VGLL4: variants seen among roughly 807,000 people sequenced by gnomAD.
VGLL4 encodes transcription cofactor vestigial-like protein 4.
In VGLL4, 7 loss-of-function variants were observed where a neutral mutation model predicts 21.0. That is an observed-to-expected ratio of 0.33 (90% CI 0.19 to 0.63). VGLL4 has a LOEUF of 0.63. Among genes scored for constraint, VGLL4 ranks in the 20% least tolerant of loss-of-function variants. The probability of loss-of-function intolerance (pLI) is 0.78; values close to 1 mark genes in which losing one functional copy is unlikely to be tolerated. For synonymous variants in VGLL4, 222 were observed against 173.2 expected, an observed-to-expected ratio of 1.28 and a Z score of -2.21; for missense variants, 394 against 425.7, an observed-to-expected ratio of 0.93 and a Z score of 0.66.
At chr3:11,570,866 A>G (rs776110333) in intron 2 of VGLL4, among the ~76,000 whole-genome samples, 2 of 152,120 alleles carry the variant, frequency 1.3e-5, no homozygotes, top group Non-Finnish European at 2.9e-5. Context: ...TGAACTCATC[A>G]CCGTGGCTTC....
At chr3:11,622,927 C>G (rs115990541) in intron 1 of VGLL4, among the ~76,000 whole-genome samples, 3 of 152,336 alleles carry the variant, frequency 2.0e-5, no homozygotes, top group South Asian at 2.1e-4. Flanking sequence ...TCCTTTCTTA[C>G]GCTTCCTTGG....
intron 2 of VGLL4, among the ~76,000 whole-genome samples, chr3:11,578,895 G>A (rs554664198): frequency 3.3e-5 from 5 of 151,758 alleles, no homozygotes; most frequent in African/African-American, 9.7e-5. Context: ...GACTACAAGC[G>A]CCCGCCACCA....
At chr3:11,574,207 C>T (rs1017730028) in intron 2 of VGLL4, among the ~76,000 whole-genome samples, 1 of 152,210 alleles carries the variant, frequency 6.6e-6, no homozygotes, top group African/African-American at 2.4e-5. Context: ...ATTCCCTAGG[C>T]CGTACCCACC....
intron 1 of VGLL4, among the ~76,000 whole-genome samples, chr3:11,626,763 A>C (rs542970389): frequency 6.6e-6 from 1 of 152,324 alleles, no homozygotes; most frequent in South Asian, 2.1e-4. Context: ...AGCTCAACAA[A>C]GGAAGACAAG....
chr3:11,656,367 C>T (rs1340739483), intron 2 of VGLL4, among the ~76,000 whole-genome samples: 5 of 152,174 alleles, frequency 3.3e-5, no homozygotes, highest in African/African-American at 1.2e-4. Context: ...TGGTGTCCAA[C>T]ACAGGGAGGG....
chr3:11,611,203 A>G (rs1320464333), intron 1 of VGLL4, among the ~76,000 whole-genome samples: 2 of 152,188 alleles, frequency 1.3e-5, no homozygotes, highest in Admixed American at 6.5e-5. Context: ...TTAACACGTT[A>G]AAGTCCCAAA....
intron 1 of VGLL4, among the ~76,000 whole-genome samples, chr3:11,605,225 A>C (rs1415750847): frequency 1.5e-4 from 1 of 6,760 alleles, no homozygotes; most frequent in African/African-American, 4.0e-4. Context: ...AAGCGCCCCC[A>C]CGCCCACCCC....
intron 2 of VGLL4, among the ~76,000 whole-genome samples, chr3:11,581,546 G>A (rs1273775032): frequency 6.6e-6 from 1 of 152,196 alleles, no homozygotes; most frequent in Admixed American, 6.5e-5. Context: ...ACAAAAGGGT[G>A]GGAGGAGAGG....
chr3:11,639,905 C>T (rs1328984863), intron 1 of VGLL4, among the ~76,000 whole-genome samples: 1 of 152,014 alleles, frequency 6.6e-6, no homozygotes, highest in Non-Finnish European at 1.5e-5. Flanking sequence ...TGAAATAATT[C>T]TGGAGAGGCA....
intron 2 of VGLL4, among the ~76,000 whole-genome samples, chr3:11,689,878 C>G (rs995590876): frequency 6.6e-6 from 1 of 152,192 alleles, no homozygotes; most frequent in Non-Finnish European, 1.5e-5. Context: ...CCAAAACAGT[C>G]TCTCCTCCAG....
At chr3:11,616,495 C>G (rs1392726126) in intron 1 of VGLL4, among the ~76,000 whole-genome samples, 1 of 152,324 alleles carries the variant, frequency 6.6e-6, no homozygotes, top group African/African-American at 2.4e-5. Context: ...TAAGCCCTGT[C>G]CTTGTCCTTT....
chr3:11,584,643 G>A (rs1011987720), intron 2 of VGLL4, among the ~76,000 whole-genome samples: 14 of 152,120 alleles, frequency 9.2e-5, no homozygotes, highest in Admixed American at 7.2e-4. Context: ...GTAAAACAAT[G>A]TAAACAACCC....
rs1318770761 is a variant in VGLL4, at chr3:11,653,615, G to C, written c.64+49356C>G. Among the ~76,000 whole-genome samples, 2 of 152,144 alleles carry C rather than the reference G, an allele frequency of 1.3e-5. No individual in the cohort carries two copies. The highest frequency in any genetic ancestry group is 2.9e-5 in the Non-Finnish European group (2 of 68,030). ...ATATTCTAGTGTGTGTCTCTTATCAGCCTCGGAATGCATTTCTGTCGCACA... is the reference window on the plus strand; with the variant it reads ...ATATTCTAGTGTGTGTCTCTTATCACCCTCGGAATGCATTTCTGTCGCACA... On this transcript the variant is annotated intron_variant, in intron 2 of 5. Transcript: ENST00000273038. This position sits in a 1 kb window ranked among gnomAD's most constrained non-coding sequence, Gnocchi z 4.2.
chr3:11,597,978 T>C (rs1047648128), intron 2 of VGLL4, among the ~76,000 whole-genome samples: 2 of 152,166 alleles, frequency 1.3e-5, no homozygotes, highest in African/African-American at 4.8e-5. Flanking sequence ...CCTCTCTTTT[T>C]TTCCCCTTCC....
intron 1 of VGLL4, among the ~76,000 whole-genome samples, chr3:11,621,114 T>C (rs2075258538): frequency 6.6e-6 from 1 of 152,244 alleles, no homozygotes; most frequent in African/African-American, 2.4e-5. Context: ...TTGCAAAGAA[T>C]GGAATGAATG....
intron 1 of VGLL4, among the ~76,000 whole-genome samples, chr3:11,614,621 C>T (rs114289394): frequency 9.5e-4 from 145 of 152,306 alleles, no homozygotes; most frequent in African/African-American, 3.4e-3. Flanking sequence ...AGGTTTCCCA[C>T]GGAAATTCAT....
At chr3:11,630,113 A>G (rs1575472401) in intron 1 of VGLL4, among the ~76,000 whole-genome samples, 1 of 152,054 alleles carries the variant, frequency 6.6e-6, no homozygotes, top group Admixed American at 6.6e-5. Context: ...CAAAATCACT[A>G]CCTCTGCCAT....
At chr3:11,558,859 C>G (rs1042355164) in intron 4 of VGLL4, 32 bp from the exon 5 acceptor site, 10 of 1,604,728 alleles carry the variant, frequency 6.2e-6, no homozygotes, top group Admixed American at 3.3e-5. Flanking sequence ...GGCAGTCAGA[C>G]ACAGGTGGCT....
At chr3:11,695,061 T>C (rs536236106) in intron 2 of VGLL4, among the ~76,000 whole-genome samples, 1 of 151,884 alleles carries the variant, frequency 6.6e-6, no homozygotes, top group East Asian at 1.9e-4. Context: ...TCTTTTTTTT[T>C]TTTTTTTGAA....
Sources: allele counts gnomAD v4.1 joint callset (sites outside exome capture counted in the v4.1 genomes callset), GRCh38; gene constraint gnomAD v4.1.1; non-coding constraint Gnocchi (gnomAD v3.1); transcripts MANE v1.5; gene names NCBI Gene and HGNC (gene_info 2026-07-23, HGNC 2026-07-21).